Variants in SLC28A1 observed in about 807,000 individuals in gnomAD.
SLC28A1 encodes solute carrier family 28 member 1, also known as sodium/nucleoside cotransporter 1.
SLC28A1 carries 64 observed loss-of-function variants against 74.8 expected under a neutral mutation model. The observed-to-expected ratio is 0.86, with a 90% confidence interval of 0.70 to 1.05. The LOEUF is 1.05. Ranked by LOEUF, SLC28A1 falls within the 50% of genes least tolerant of loss-of-function variation. The pLI is 0.00. For missense variants in SLC28A1, 828 were observed against 822.8 expected, an observed-to-expected ratio of 1.01 and a Z score of -0.08; for synonymous variants, 359 against 335.0, an observed-to-expected ratio of 1.07 and a Z score of -0.78.
At chr15:84,969,827 C>T in the SLC28A1 span, among the ~76,000 whole-genome samples, 1 of 152,158 alleles carries the variant, frequency 6.6e-6, no homozygotes, top group African/African-American at 2.4e-5. Flanking sequence ...CTATGCCACA[C>T]ATGTATGGCA....
rs2079173579 is a variant in SLC28A1 at position 84,945,527 on chromosome 15, G to T, written c.*327G>T. On this transcript the variant is annotated 3_prime_UTR_variant, in exon 19 of 19. Transcript: ENST00000394573. ...TCCTCTCTATCCCCCCTCTCCTGGG[G>T]TCCCTCACATGCCCCTTCCCTTCTG... 2.6e-6 allele frequency: 1 copy of T among 386,884 alleles called. No individual in the cohort carries two copies. Among genetic ancestry groups the T allele is most frequent in the Non-Finnish European group, 5.0e-6 (1 of 201,316 alleles). The allele number at this position is 386,884 out of a possible 1,614,324, so 24.0% of individuals were successfully genotyped here.
At chr15:84,928,603 T>TTTC (rs1555453918) in intron 12 of SLC28A1, among the ~76,000 whole-genome samples, 1 of 10,900 alleles carries the variant, frequency 9.2e-5, no homozygotes, top group Non-Finnish European at 1.5e-4. Flanking sequence ...TCTTTCTTTC[T>TTTC]TTTCTTTCTT....
At chr15:84,933,317 A>G in intron 13 of SLC28A1, 42 bp downstream of exon 13, 2 of 1,603,700 alleles carry the variant, frequency 1.2e-6, no homozygotes, top group Non-Finnish European at 1.7e-6. Context: ...TAGTGGTACA[A>G]GGTGGGGGGA....
chr15:84,937,637 C>G (rs867210417), intron 15 of SLC28A1, among the ~76,000 whole-genome samples: 1 of 152,202 alleles, frequency 6.6e-6, no homozygotes, highest in African/African-American at 2.4e-5. Context: ...CACGGTGGCT[C>G]ACACCTGTAA....
the SLC28A1 span, among the ~76,000 whole-genome samples, chr15:84,974,199 T>C: frequency 6.6e-6 from 1 of 152,212 alleles, no homozygotes; most frequent in African/African-American, 2.4e-5. Flanking sequence ...TGCTTTGCAT[T>C]TTGCCTCACA....
intron 15 of SLC28A1, 139 bp downstream of exon 15, chr15:84,935,657 G>C: frequency 2.8e-6 from 2 of 719,966 alleles, no homozygotes; most frequent in Non-Finnish European, 4.7e-6. Flanking sequence ...ACATCCTGTA[G>C]TCCTGGGAGA....
intron 10 of SLC28A1, among the ~76,000 whole-genome samples, chr15:84,919,385 A>C (rs1969530342): frequency 6.6e-6 from 1 of 152,246 alleles, no homozygotes; most frequent in African/African-American, 2.4e-5. Flanking sequence ...ATGCAAAAAC[A>C]ACCTGTGGTT....
rs1341068656 is a variant in SLC28A1, at chr15:84,906,555, TCTTTCTTTCTCTTTCTTTCTTC to T, written c.717+907_717+928del. ...TTCTTTCTTTCTTTCTTTCTTTCTT[TCTTTCTTTCTCTTTCTTTCTTC>T]CTTCCTTCCTTCCTTCCTTCCTTCC... is the stretch of plus-strand genomic sequence containing the variant. On this transcript the variant is annotated intron_variant, in intron 8 of 18. Coordinates refer to ENST00000394573, the MANE Select transcript of SLC28A1 (RefSeq NM_004213.5). 3.0e-4 allele frequency among the ~76,000 whole-genome samples: 28 copies of T among 94,330 alleles called. No homozygotes were observed. The East Asian group carries it at 3.9e-3, about 13-fold the overall frequency. The allele number at this position is 94,330 out of a possible 152,430, so 61.9% of individuals were successfully genotyped here.
the SLC28A1 span, among the ~76,000 whole-genome samples, chr15:84,971,869 G>A: frequency 3.3e-5 from 5 of 152,072 alleles, no homozygotes; most frequent in Admixed American, 6.5e-5. Context: ...GGCTGGTGTC[G>A]AACTTCTGGG....
At chr15:84,892,101 A>C (rs754790760) in intron 5 of SLC28A1, among the ~76,000 whole-genome samples, 5 of 151,970 alleles carry the variant, frequency 3.3e-5, no homozygotes, top group Non-Finnish European at 5.9e-5. Flanking sequence ...CTTTGGGAGG[A>C]TGTAGTGGGA....
chr15:84,900,341 A>G (rs895872211), intron 6 of SLC28A1, among the ~76,000 whole-genome samples: 1 of 151,016 alleles, frequency 6.6e-6, no homozygotes, highest in African/African-American at 2.4e-5. Context: ...AAAAAAAGGA[A>G]AAAAGGAAGA....
chr15:84,900,438 G>T (rs1212829590), intron 6 of SLC28A1, among the ~76,000 whole-genome samples: 2 of 123,450 alleles, frequency 1.6e-5, no homozygotes, highest in Non-Finnish European at 1.8e-5. Context: ...GAAGAAGAAA[G>T]AAAGAAATGT....
chr15:84,934,164 C>T (rs1171856837), intron 13 of SLC28A1, among the ~76,000 whole-genome samples: 1 of 152,204 alleles, frequency 6.6e-6, no homozygotes, highest in African/African-American at 2.4e-5. Context: ...GAAGGACAAA[C>T]ATTCAGACCA....
chr15:84,920,771 T>G (rs1969730685), intron 10 of SLC28A1, among the ~76,000 whole-genome samples: 1 of 151,268 alleles, frequency 6.6e-6, no homozygotes, highest in Non-Finnish European at 1.5e-5. Flanking sequence ...CCTTTCTGCA[T>G]TCCTACGGTG....
intron 8 of SLC28A1, among the ~76,000 whole-genome samples, chr15:84,906,867 CA>C (rs1284167504): frequency 6.6e-6 from 1 of 152,064 alleles, no homozygotes; most frequent in Non-Finnish European, 1.5e-5. Flanking sequence ...TTACTTTTGT[CA>C]AAAGAAAATT....
chr15:84,912,806 G>GTGCACA (rs1555449154), intron 9 of SLC28A1, among the ~76,000 whole-genome samples: 3 of 112,202 alleles, frequency 2.7e-5, no homozygotes, highest in African/African-American at 6.7e-5. Context: ...TTGCGCGCGC[G>GTGCACA]CACACACACA....
the SLC28A1 span, among the ~76,000 whole-genome samples, chr15:84,969,346 G>A: frequency 2.6e-5 from 4 of 152,148 alleles, no homozygotes; most frequent in African/African-American, 7.2e-5. Flanking sequence ...GTCCTCCATC[G>A]CCTTCATGTG....
intron 5 of SLC28A1, among the ~76,000 whole-genome samples, chr15:84,892,016 G>C (rs1965424883): frequency 6.6e-6 from 1 of 152,024 alleles, no homozygotes. Flanking sequence ...GCAGGAGCAA[G>C]CTCACCTCAT....
At chr15:84,961,336 T>TA in the SLC28A1 span, among the ~76,000 whole-genome samples, 2 of 151,724 alleles carry the variant, frequency 1.3e-5, no homozygotes, top group Non-Finnish European at 2.9e-5. Context: ...AGAGAATTTT[T>TA]TTTTTTTTTT....
Sources: gnomAD v4.1 joint callset for allele counts (sites outside exome capture counted in the v4.1 genomes callset) on GRCh38, gnomAD v4.1.1 for gene constraint, MANE v1.5 for transcripts, NCBI Gene and HGNC (gene_info 2026-07-23, HGNC 2026-07-21) for gene names.